Variants in CNTN4 observed in about 807,000 individuals in gnomAD.
CNTN4 encodes the protein contactin-4.
Under a neutral mutation model 122.5 loss-of-function variants are expected in CNTN4, and 77 were observed. That is an observed-to-expected ratio of 0.63 (90% CI 0.52 to 0.76). The LOEUF (loss-of-function observed/expected upper bound fraction) is 0.76, where lower values mean the gene tolerates loss of function less well. Among genes scored for constraint, CNTN4 ranks in the 30% least tolerant of loss-of-function variants. The probability of loss-of-function intolerance (pLI) is 0.00; values close to 1 mark genes in which losing one functional copy is unlikely to be tolerated. For missense variants in CNTN4, 1,256 were observed against 1,259.1 expected, an observed-to-expected ratio of 1.00 and a Z score of 0.04; for synonymous variants, 512 against 447.0, an observed-to-expected ratio of 1.15 and a Z score of -1.83.
intron 6 of CNTN4, among the ~76,000 whole-genome samples, chr3:2,777,039 G>T (rs2091350724): frequency 6.6e-6 from 1 of 151,996 alleles, no homozygotes; most frequent in African/African-American, 2.4e-5. Flanking sequence ...GGAGCGCAGT[G>T]GCTCAATCTT....
chr3:2,988,517 C>G (rs1320884381), intron 14 of CNTN4, 45 bp downstream of exon 14: 4 of 1,602,758 alleles, frequency 2.5e-6, no homozygotes, highest in African/African-American at 2.7e-5. Flanking sequence ...TATGTGTCCT[C>G]GTGTCTAATA....
chr3:2,962,023 T>C (rs565875552), intron 13 of CNTN4, among the ~76,000 whole-genome samples: 1 of 152,354 alleles, frequency 6.6e-6, no homozygotes, highest in South Asian at 2.1e-4. Flanking sequence ...CAAAGACAAT[T>C]ACATTTGAAA....
chr3:2,540,069 T>TTGTG (rs35310430), intron 3 of CNTN4, among the ~76,000 whole-genome samples: 203 of 149,060 alleles, frequency 1.4e-3, no homozygotes, highest in Middle Eastern at 6.8e-3. Flanking sequence ...TTCATCAGTG[T>TTGTG]TGTGTGTGTG....
intron 4 of CNTN4, among the ~76,000 whole-genome samples, chr3:2,723,608 T>G (rs543950378): frequency 6.6e-6 from 1 of 152,296 alleles, no homozygotes; most frequent in South Asian, 2.1e-4. Flanking sequence ...GAAGCCTCTT[T>G]TATGAAGGCC....
At chr3:2,682,592 A>G (rs547322390) in intron 4 of CNTN4, among the ~76,000 whole-genome samples, 1 of 152,302 alleles carries the variant, frequency 6.6e-6, no homozygotes, top group African/African-American at 2.4e-5. Flanking sequence ...ATTTTAGGTA[A>G]CAATACAGAA....
Position 2,920,339 on chromosome 3 carries a change from C to T in CNTN4, c.1208-5290C>T, listed in dbSNP as rs148434503. ...GCTGGATATGACTGTGAAGGGGAAGCAAGAGGAAGATCCTTGTGACAATAG... is the reference window on the plus strand; with the variant it reads ...GCTGGATATGACTGTGAAGGGGAAGTAAGAGGAAGATCCTTGTGACAATAG... On this transcript the variant is annotated intron_variant, in intron 12 of 24. Coordinates refer to ENST00000418658, the MANE Select transcript of CNTN4 (RefSeq NM_175607.3). Among the ~76,000 whole-genome samples the T allele has an allele frequency of 8.1e-5, 12 of 148,856 alleles. No individual in the cohort carries two copies. In the East Asian group the frequency reaches 2.0e-3, roughly 24 times the overall value.
intron 3 of CNTN4, among the ~76,000 whole-genome samples, chr3:2,531,493 A>G (rs2077593726): frequency 6.6e-6 from 1 of 152,232 alleles, no homozygotes; most frequent in South Asian, 2.1e-4. Context: ...CCAAGCTGTT[A>G]CCCCTAGCTT....
intron 3 of CNTN4, among the ~76,000 whole-genome samples, chr3:2,364,205 A>T (rs2045277693): frequency 6.6e-6 from 1 of 152,222 alleles, no homozygotes; most frequent in African/African-American, 2.4e-5. Flanking sequence ...AGCTGGCAGT[A>T]CAACTTTAAC....
At chr3:2,139,708 C>G (rs2727917) in intron 2 of CNTN4, among the ~76,000 whole-genome samples, 80,250 of 152,052 alleles carry the variant, frequency 0.53, 21,448 homozygotes, top group East Asian at 0.61. Context: ...GGGAGTGTCA[C>G]ACCAGCTGGA....
intron 3 of CNTN4, among the ~76,000 whole-genome samples, chr3:2,425,640 G>A (rs996439149): frequency 6.6e-6 from 1 of 152,118 alleles, no homozygotes; most frequent in Non-Finnish European, 1.5e-5. Flanking sequence ...GGATGGCATT[G>A]AATCTATAAA....
chr3:2,420,131 A>G, intron 3 of CNTN4, among the ~76,000 whole-genome samples: 1 of 152,174 alleles, frequency 6.6e-6, no homozygotes, highest in East Asian at 1.9e-4. Context: ...CCCTATCCAT[A>G]TGCCTCAGAC....
intron 3 of CNTN4, among the ~76,000 whole-genome samples, chr3:2,530,074 C>A (rs1328121355): frequency 6.6e-6 from 1 of 152,140 alleles, no homozygotes; most frequent in Non-Finnish European, 1.5e-5. Context: ...TCATTACCTT[C>A]TGCTGTTACT....
rs1045627692 is a variant in CNTN4 at position 2,354,403 on chromosome 3, T to C, written c.-89+15170T>C. 1.7e-4 allele frequency among the ~76,000 whole-genome samples: 26 copies of C among 151,918 alleles called. 1 individual carries two copies. In the East Asian group the frequency reaches 5.1e-3, roughly 30 times the overall value. ...AAAATTAGCCAGGTGTGGTGGCAGG[T>C]GCCTGTAATCCCAGCTACTCAGGAG... On this transcript the variant is annotated intron_variant, in intron 3 of 24. Coordinates refer to ENST00000418658, the MANE Select transcript of CNTN4 (RefSeq NM_175607.3).
At chr3:2,754,161 A>G (rs2090225844) in intron 6 of CNTN4, among the ~76,000 whole-genome samples, 1 of 152,160 alleles carries the variant, frequency 6.6e-6, no homozygotes, top group Non-Finnish European at 1.5e-5. Context: ...TATTATGAAG[A>G]GCTTCCCAGA....
intron 8 of CNTN4, among the ~76,000 whole-genome samples, chr3:2,874,715 C>T (rs2093824145): frequency 6.6e-6 from 1 of 152,116 alleles, no homozygotes; most frequent in Admixed American, 6.5e-5. Flanking sequence ...AGAATCACAG[C>T]TTAAGGGTGA....
intron 24 of CNTN4, among the ~76,000 whole-genome samples, chr3:3,054,473 A>G (rs76180907): frequency 0.02 from 3,119 of 152,338 alleles, 114 homozygotes; most frequent in African/African-American, 0.072. Context: ...CTCTATAGTC[A>G]AGATTATCTT....
At chr3:2,357,083 C>A (rs2044903982) in intron 3 of CNTN4, among the ~76,000 whole-genome samples, 4 of 152,170 alleles carry the variant, frequency 2.6e-5, no homozygotes, top group Admixed American at 1.3e-4. Flanking sequence ...ACTTAGGAAT[C>A]CTGTTACAAA....
At chr3:2,698,607 C>T (rs1316758414) in intron 4 of CNTN4, among the ~76,000 whole-genome samples, 2 of 152,176 alleles carry the variant, frequency 1.3e-5, no homozygotes, top group African/African-American at 2.4e-5. Context: ...TAAGTCCGTA[C>T]AGCTAGAAAG....
At chr3:2,708,218 A>G (rs1417418888) in intron 4 of CNTN4, among the ~76,000 whole-genome samples, 1 of 152,208 alleles carries the variant, frequency 6.6e-6, no homozygotes, top group Non-Finnish European at 1.5e-5. Flanking sequence ...TGAAGTTAAA[A>G]TATATAATTC....
Sources: allele counts gnomAD v4.1 joint callset (sites outside exome capture counted in the v4.1 genomes callset), GRCh38; gene constraint gnomAD v4.1.1; transcripts MANE v1.5; gene names NCBI Gene and HGNC (gene_info 2026-07-23, HGNC 2026-07-21).